The following RAB11FIP4 variants were observed in gnomAD, a reference collection of about 807,000 sequenced individuals.
The protein encoded by RAB11FIP4 is rab11 family-interacting protein 4.
Under a neutral mutation model 74.3 loss-of-function variants are expected in RAB11FIP4, and 23 were observed. That is an observed-to-expected ratio of 0.31 (90% CI 0.22 to 0.44). The LOEUF (loss-of-function observed/expected upper bound fraction) is 0.44. RAB11FIP4 is among the 20% of genes least tolerant of loss of function. The pLI, the probability that RAB11FIP4 is intolerant of heterozygous loss-of-function variation, is 1.00. For synonymous variants in RAB11FIP4, 360 were observed against 359.9 expected, an observed-to-expected ratio of 1.00 and a Z score of 0.00; for missense variants, 630 against 863.9, an observed-to-expected ratio of 0.73 and a Z score of 3.39.
intron 3 of RAB11FIP4, among the ~76,000 whole-genome samples, chr17:31,487,227 G>A (rs1332812254): frequency 2.0e-5 from 3 of 152,178 alleles, no homozygotes; most frequent in Admixed American, 6.5e-5. Flanking sequence ...TCTCATTTTT[G>A]TCTTTTTAAA....
rs558396765 is a variant in RAB11FIP4, at chr17:31,523,779, C to T, written c.1030-114C>T. 777 of 1,002,628 alleles carry T rather than the reference C, an allele frequency of 7.7e-4. 1 individual carries two copies. The highest frequency in any genetic ancestry group is 2.7e-3 in the Middle Eastern group (13 of 4,808). 62.1% of individuals were successfully genotyped at this position (1,002,628 alleles called of 1,614,324 possible). On this transcript the variant is annotated intron_variant, in intron 8 of 14. Coordinates refer to ENST00000621161, the MANE Select transcript of RAB11FIP4 (RefSeq NM_032932.6). ...CCCACTCCCCCACCCCACACATGAC[C>T]GTTCTCAGATACACAGTGGTTTGGA...
At position 31,463,803 on chromosome 17, in the gene RAB11FIP4, C is replaced by CTTTT. The variant is rs60955293; in HGVS notation, c.336+29706_336+29709dup. 3.0e-3 allele frequency among the ~76,000 whole-genome samples: 97 copies of CTTTT among 32,840 alleles called. 32 individuals are homozygous for CTTTT. Among genetic ancestry groups the CTTTT allele is most frequent in the East Asian group, 0.022 (16 of 744 alleles). 21.5% of individuals were successfully genotyped at this position (32,840 alleles called of 152,430 possible). A position where few individuals can be genotyped will look rare whatever the true frequency, so the allele number is the denominator to read the frequency against. ...ACAGGTGTGAGCCACTGCGCCTGGA[C>CTTTT]TTTTTTTTTTTTTTTTTTTTTTTTT... is the stretch of plus-strand genomic sequence containing the variant. On this transcript the variant is annotated intron_variant, in intron 3 of 14. Transcript: ENST00000621161.
intron 3 of RAB11FIP4, among the ~76,000 whole-genome samples, chr17:31,450,321 TTTA>T (rs67188813): frequency 0.042 from 5,771 of 137,726 alleles, 225 homozygotes; most frequent in African/African-American, 0.11. Flanking sequence ...CGCCACCGGC[TTTA>T]TTATTATTAT....
At position 31,523,625 on chromosome 17, in the gene RAB11FIP4, G is replaced by A; in HGVS notation, c.1029+14G>A. The A allele has an allele frequency of 1.9e-6, 3 of 1,606,352 alleles. No homozygotes were observed. Among genetic ancestry groups the A allele is most frequent in the Non-Finnish European group, 2.6e-6 (3 of 1,172,940 alleles). ...ATCACAGAGAAGGTGGGCCTTGGGT[G>A]GCTGGAGAAGGGACTGAATGCATGC... is the stretch of plus-strand genomic sequence containing the variant. On this transcript the variant is annotated intron_variant, in intron 8 of 14. Transcript: ENST00000621161.
intron 3 of RAB11FIP4, among the ~76,000 whole-genome samples, chr17:31,464,282 A>G (rs1274704556): frequency 4.6e-5 from 7 of 150,954 alleles, no homozygotes; most frequent in African/African-American, 1.7e-4. Flanking sequence ...AGTTGGTGGC[A>G]TTCTTCCCAT....
chr17:31,486,635 G>A (rs574766566), intron 3 of RAB11FIP4, among the ~76,000 whole-genome samples: 1 of 152,336 alleles, frequency 6.6e-6, no homozygotes, highest in African/African-American at 2.4e-5. Flanking sequence ...GACTGTGGGA[G>A]CGGACCCAAA....
intron 3 of RAB11FIP4, among the ~76,000 whole-genome samples, chr17:31,451,564 A>C (rs960416186): frequency 6.6e-6 from 1 of 152,020 alleles, no homozygotes; most frequent in Non-Finnish European, 1.5e-5. Context: ...GTGGCCTCGA[A>C]GGTTTCACTT....
chr17:31,447,293 A>G (rs2071476799), intron 3 of RAB11FIP4, among the ~76,000 whole-genome samples: 1 of 152,050 alleles, frequency 6.6e-6, no homozygotes, highest in Non-Finnish European at 1.5e-5. Context: ...CTCAAACAAA[A>G]CAAAACAAAA....
intron 3 of RAB11FIP4, among the ~76,000 whole-genome samples, chr17:31,464,238 G>A (rs1340925318): frequency 6.6e-6 from 1 of 151,596 alleles, no homozygotes; most frequent in African/African-American, 2.4e-5. Context: ...GCTTTCTCAG[G>A]CTGATCAAGC....
At position 31,391,907 on chromosome 17, in the gene RAB11FIP4, C is replaced by A. The variant is rs1468613785; in HGVS notation, c.55C>A (p.Arg19Ser). The part of the protein sequence containing the change: ...GAPAALLRSV[R>S]RLREVFEVCG... The stretch of plus-strand genomic sequence containing the variant: ...CCCCGCGGCTCTGCTGCGCTCCGTG[C>A]GCCGCCTGCGCGAGGTGTTCGAGGT... The change falls in exon 1 of 15, where the codon CGC becomes AGC. Residue 19 changes from arginine to serine, a missense_variant. Transcript: ENST00000621161. 1 of 1,331,826 alleles carries A rather than the reference C, an allele frequency of 7.5e-7. No homozygotes were observed. The highest frequency in any genetic ancestry group is 9.6e-7 in the Non-Finnish European group (1 of 1,037,608). 82.5% of individuals were successfully genotyped at this position (1,331,826 alleles called of 1,614,324 possible).
At chr17:31,484,376 T>C (rs1039546963) in intron 3 of RAB11FIP4, among the ~76,000 whole-genome samples, 1 of 150,976 alleles carries the variant, frequency 6.6e-6, no homozygotes, top group African/African-American at 2.5e-5. Flanking sequence ...GGGCCTGACA[T>C]TGTCTCTTTA....
At chr17:31,420,870 G>C (rs1039342252) in intron 1 of RAB11FIP4, among the ~76,000 whole-genome samples, 8 of 152,090 alleles carry the variant, frequency 5.3e-5, no homozygotes, top group Non-Finnish European at 8.8e-5. Flanking sequence ...GATCACCTGA[G>C]GTCGAGAGTT....
intron 3 of RAB11FIP4, among the ~76,000 whole-genome samples, chr17:31,451,332 G>A (rs565495668): frequency 1.5e-4 from 23 of 151,890 alleles, no homozygotes; most frequent in African/African-American, 4.8e-4. Context: ...GGTGGCAGGC[G>A]CCTGTAATCC....
chr17:31,531,138 G>T (rs573096907), intron 14 of RAB11FIP4: 1 of 161,722 alleles, frequency 6.2e-6, no homozygotes, highest in Non-Finnish European at 1.4e-5. Context: ...GAGCTCCCAG[G>T]TGAGCTGGGC....
chr17:31,517,974 A>C, intron 4 of RAB11FIP4, 97 bp downstream of exon 4: 8 of 954,622 alleles, frequency 8.4e-6, no homozygotes, highest in Non-Finnish European at 1.3e-5. Context: ...AAACATGCTC[A>C]AAATTTGTAT....
chr17:31,453,792 C>CAAAAAAAAAAA (rs555119408), intron 3 of RAB11FIP4, among the ~76,000 whole-genome samples: 1 of 62,622 alleles, frequency 1.6e-5, no homozygotes, highest in African/African-American at 5.3e-5. Flanking sequence ...AGACTCGTCT[C>CAAAAAAAAAAA]AAAAAAAAAA....
At chr17:31,493,531 T>A (rs531733630) in intron 3 of RAB11FIP4, among the ~76,000 whole-genome samples, 2 of 152,174 alleles carry the variant, frequency 1.3e-5, no homozygotes, top group East Asian at 3.9e-4. Context: ...CAAGTCTCCC[T>A]CCTAGAATAG....
chr17:31,444,359 C>T (rs1318860040), intron 3 of RAB11FIP4, among the ~76,000 whole-genome samples: 1 of 149,148 alleles, frequency 6.7e-6, no homozygotes. Flanking sequence ...ACCCCCCCCA[C>T]CCTTCTAAAG....
intron 3 of RAB11FIP4, among the ~76,000 whole-genome samples, chr17:31,458,063 C>T (rs910582723): frequency 1.3e-5 from 2 of 152,236 alleles, no homozygotes; most frequent in African/African-American, 4.8e-5. Flanking sequence ...CAAGTAGGTA[C>T]TGTGGTACCC....
Sources: gnomAD v4.1 joint callset for allele counts (sites outside exome capture counted in the v4.1 genomes callset) on GRCh38, gnomAD v4.1.1 for gene constraint, MANE v1.5 for transcripts, NCBI Gene and HGNC (gene_info 2026-07-23, HGNC 2026-07-21) for gene names.